Variants in SMG9 observed in about 807,000 individuals in gnomAD.
SMG9 encodes the protein SMG9 nonsense mediated mRNA decay factor, also known as nonsense-mediated mRNA decay factor SMG9.
SMG9 carries 55 observed loss-of-function variants against 64.0 expected under a neutral mutation model. The ratio of observed to expected loss-of-function variants is 0.86; its 90% CI spans 0.69 to 1.08. The LOEUF is 1.08. SMG9 is among the 50% of genes least tolerant of loss of function. SMG9 has a pLI of 0.00. For synonymous variants in SMG9, 244 were observed against 254.8 expected (o/e 0.96, Z 0.41); for missense variants, 554 against 681.3 (o/e 0.81, Z 2.08).
chr19:43,753,908 CTT>C (rs1315228268), intron 1 of SMG9, among the ~76,000 whole-genome samples: 1 of 139,132 alleles, frequency 7.2e-6, no homozygotes, highest in African/African-American at 3.0e-5. Context: ...GAGCGAGACT[CTT>C]GTCTCAAAGA....
rs780655599 is a variant in SMG9, at chr19:43,750,760, T to A, written c.-6-13A>T. ...CAGACATGGTTACCTATGGAGGGAATGAGGGGATTTCAGGATGACAGAGTC... is the reference window on the plus strand; with the variant it reads ...CAGACATGGTTACCTATGGAGGGAAAGAGGGGATTTCAGGATGACAGAGTC... On this transcript the variant is annotated splice_polypyrimidine_tract_variant and intron_variant, in intron 1 of 13. Transcript: ENST00000270066. 1 of 1,596,836 alleles carries A rather than the reference T, an allele frequency of 6.3e-7. No homozygotes were observed. The highest frequency in any genetic ancestry group is 1.7e-5 in the Admixed American group (1 of 57,738).
chr19:43,751,285 C>G (rs377309157), intron 1 of SMG9, among the ~76,000 whole-genome samples: 5 of 151,518 alleles, frequency 3.3e-5, no homozygotes, highest in African/African-American at 9.7e-5. Flanking sequence ...AGATGCCCAC[C>G]ACCACACCCG....
intron 9 of SMG9, among the ~76,000 whole-genome samples, chr19:43,737,016 A>AT (rs2146369126): frequency 6.6e-6 from 1 of 152,304 alleles, no homozygotes; most frequent in South Asian, 2.1e-4. Context: ...GCTCACGCCT[A>AT]TAATTCCGGC....
Position 43,731,240 on chromosome 19 carries a change from G to C in SMG9, c.*356C>G. On this transcript the variant is annotated 3_prime_UTR_variant, in exon 14 of 14. Transcript: ENST00000270066. ...GCCTCACCTTACAGGGAAGGGCTTA[G>C]AGTCAGGGAAGAGGGGCCTGTTGCT... The C allele has an allele frequency of 9.2e-7, 1 of 1,085,446 alleles. No individual in the cohort carries two copies. The highest frequency in any genetic ancestry group is 1.1e-6 in the Non-Finnish European group (1 of 891,294). The allele number at this position is 1,085,446 out of a possible 1,614,324, so 67.2% of individuals were successfully genotyped here. A position where few individuals can be genotyped will look rare whatever the true frequency, so the allele number is the denominator to read the frequency against.
At chr19:43,738,071 T>A (rs1276291357) in intron 8 of SMG9, 51 bp downstream of exon 8, 2 of 1,523,474 alleles carry the variant, frequency 1.3e-6, no homozygotes, top group South Asian at 2.2e-5. Context: ...CTTGGGAGGA[T>A]GGGGGTGGGG....
chr19:43,731,683 A>T lies in SMG9; in HGVS notation c.1485-9T>A, dbSNP rs778059898. 1.2e-6 allele frequency: 2 copies of T among 1,614,194 alleles called. No homozygotes were observed. The highest frequency in any genetic ancestry group is 2.7e-5 in the African/African-American group (2 of 75,066). ...GGGCAGCGTAGTGGAACCTGTGAGG[A>T]GGCCAACAGTCAGGGCTGCCTGGCC... On this transcript the variant is annotated splice_polypyrimidine_tract_variant and intron_variant, in intron 13 of 13. Transcript: ENST00000270066.
intron 6 of SMG9, among the ~76,000 whole-genome samples, chr19:43,741,135 A>G (rs1968831976): frequency 6.6e-6 from 1 of 152,232 alleles, no homozygotes; most frequent in Admixed American, 6.5e-5. Context: ...CTTCTGGTCT[A>G]GTTTACAAAT....
At chr19:43,734,866 T>C (rs763615252) in intron 9 of SMG9, 2 of 176,236 alleles carry the variant, frequency 1.1e-5, no homozygotes, top group Non-Finnish European at 2.4e-5. Flanking sequence ...TTAAGATCCA[T>C]GAAGCTGCAC....
Position 43,740,113 on chromosome 19 carries a change from G to A in SMG9, c.807C>T (p.Asp269=). 1 of 1,610,516 alleles carries A rather than the reference G, an allele frequency of 6.2e-7. No homozygotes were observed. The highest frequency in any genetic ancestry group is 1.1e-5 in the South Asian group (1 of 91,016). ...FITQERIVFL[D]TQPILSPSIL... ...AGGCAGGCGGGGCTGGCACCTGTGTGTCCAGGAAAACAATCCGTTCTTGGG... is the reference window on the plus strand; with the variant it reads ...AGGCAGGCGGGGCTGGCACCTGTGTATCCAGGAAAACAATCCGTTCTTGGG... Residue 269 remains aspartate (D), a synonymous_variant, in exon 7 of 14, where the codon GAC becomes GAT. Transcript: ENST00000270066.
In SMG9 at chr19:43,754,894, A is replaced by G. The variant is rs898723950; in HGVS notation, c.-247T>C. Reference sequence around the variant, plus strand: ...AGGAGGAGGATGTAACGCGGGCCCGAGCTGAGATCAGTTCCCTCAGGCGAC... The same window carrying G: ...AGGAGGAGGATGTAACGCGGGCCCGGGCTGAGATCAGTTCCCTCAGGCGAC... On this transcript the variant is annotated 5_prime_UTR_variant, in exon 1 of 14. Coordinates refer to ENST00000270066, the MANE Select transcript of SMG9 (RefSeq NM_019108.4). The G allele has an allele frequency of 1.3e-5, 2 of 152,262 alleles. No homozygotes were observed. Among genetic ancestry groups the G allele is most frequent in the Admixed American group, 1.3e-4 (2 of 15,282 alleles). The allele number at this position is 152,262 out of a possible 1,614,324, so 9.4% of individuals were successfully genotyped here. A position where few individuals can be genotyped will look rare whatever the true frequency, so the allele number is the denominator to read the frequency against.
chr19:43,746,362 C>A (rs914328279), intron 5 of SMG9, among the ~76,000 whole-genome samples: 5 of 152,222 alleles, frequency 3.3e-5, no homozygotes, highest in African/African-American at 1.2e-4. Context: ...TCTAAAGCCA[C>A]ATCTGGGGAT....
chr19:43,733,321 T>C lies in SMG9; in HGVS notation c.1339+3A>G, dbSNP rs1435694489. ...TCCATGAACCTGTTGAGGGTAACTG[T>C]ACCTGCTCTTGGTGGGTTTTCACTC... On this transcript the variant is annotated splice_donor_region_variant and intron_variant, in intron 12 of 13. Transcript: ENST00000270066. 4.3e-6 allele frequency: 7 copies of C among 1,613,840 alleles called. No individual in the cohort carries two copies. Among genetic ancestry groups the C allele is most frequent in the Non-Finnish European group, 5.9e-6 (7 of 1,179,948 alleles).
chr19:43,745,279 T>C (rs974669266), intron 5 of SMG9, among the ~76,000 whole-genome samples: 1 of 152,162 alleles, frequency 6.6e-6, no homozygotes, highest in Non-Finnish European at 1.5e-5. Flanking sequence ...CTGGCACAGA[T>C]TCCTGGCAAA....
At chr19:43,747,310 G>T in intron 5 of SMG9, 132 bp downstream of exon 5, 1 of 795,310 alleles carries the variant, frequency 1.3e-6, no homozygotes, top group Non-Finnish European at 2.1e-6. Flanking sequence ...AGGTGAGAAT[G>T]TTCTGATACC....
chr19:43,748,975 G>C (rs1025855683), intron 2 of SMG9, among the ~76,000 whole-genome samples: 11 of 152,242 alleles, frequency 7.2e-5, no homozygotes, highest in African/African-American at 2.7e-4. Context: ...TCTTATCTCA[G>C]ATGCCTGGGA....
At chr19:43,747,600 T>C in intron 4 of SMG9, 33 bp downstream of exon 4, 1 of 1,614,104 alleles carries the variant, frequency 6.2e-7, no homozygotes, top group Non-Finnish European at 8.5e-7. Flanking sequence ...GAGACGCCAG[T>C]TCCCAACCTG....
In SMG9 at chr19:43,747,792, C is replaced by T. The variant is rs377354289; in HGVS notation, c.331G>A (p.Val111Met). 2.6e-5 allele frequency: 41 copies of T among 1,605,894 alleles called. No individual in the cohort carries two copies. The highest frequency in any genetic ancestry group is 3.5e-5 in the Non-Finnish European group (41 of 1,176,098). The stretch of plus-strand genomic sequence containing the variant: ...GGGGTAGAGGCACCTGTCACGGCCA[C>T]AGGCCCCTTCCCCTCCTCCCGTGGC... ...MKPREEGKGP[V>M]AVTGASTPEG... The change falls in exon 4 of 14, where the codon GTG becomes ATG. Residue 111 changes from valine (V) to methionine (M), a missense_variant. Transcript: ENST00000270066.
intron 1 of SMG9, among the ~76,000 whole-genome samples, chr19:43,752,914 A>AAAAAAAAAAAAAAAAAAAC: frequency 6.6e-6 from 1 of 151,098 alleles, no homozygotes; most frequent in African/African-American, 2.4e-5. Context: ...AAAAAAAAAA[A>AAAAAAAAAAAAAAAAAAAC]AAGCAGAACC....
At chr19:43,733,817 T>C (rs1266712135) in intron 10 of SMG9, 84 bp from the exon 11 acceptor site, 102 of 951,982 alleles carry the variant, frequency 1.1e-4, no homozygotes, top group Non-Finnish European at 8.3e-5. Context: ...AGACCTGTTG[T>C]TACCCCTGAG....
Sources: gnomAD v4.1 joint callset for allele counts (sites outside exome capture counted in the v4.1 genomes callset) on GRCh38, gnomAD v4.1.1 for gene constraint, MANE v1.5 for transcripts, NCBI Gene and HGNC (gene_info 2026-07-23, HGNC 2026-07-21) for gene names.